CIBAR2: variants seen among roughly 807,000 people sequenced by gnomAD.
The protein encoded by CIBAR2 is CBY1 interacting BAR domain containing 2, also known as CBY1-interacting BAR domain-containing protein 2.
A neutral mutation model predicts 36.2 loss-of-function variants in CIBAR2; 38 were observed. The ratio of observed to expected loss-of-function variants is 1.05; its 90% CI spans 0.81 to 1.38. CIBAR2 has a LOEUF of 1.38. Ranked by LOEUF, CIBAR2 falls within the 40% of genes most tolerant of loss-of-function variation. The probability of loss-of-function intolerance (pLI) is 0.00; values close to 1 mark genes in which losing one functional copy is unlikely to be tolerated. For missense variants in CIBAR2, 481 were observed against 383.4 expected (o/e 1.25, Z -2.13); for synonymous variants, 182 against 149.5 (o/e 1.22, Z -1.58).
intron 8 of CIBAR2, among the ~76,000 whole-genome samples, chr16:85,099,848 G>A (rs1476547513): frequency 7.4e-6 from 1 of 135,436 alleles, no homozygotes; most frequent in Admixed American, 7.8e-5. Context: ...TCAACATTTT[G>A]GCCAGGCTGG....
intron 2 of CIBAR2, 96 bp from the exon 3 acceptor site, chr16:85,108,195 TC>T: frequency 8.4e-7 from 1 of 1,184,708 alleles, no homozygotes. Context: ...GAGCCGCGTG[TC>T]CAGAGCTGTG....
chr16:85,105,066 C>T (rs2073984765), intron 6 of CIBAR2, among the ~76,000 whole-genome samples: 1 of 152,212 alleles, frequency 6.6e-6, no homozygotes, highest in South Asian at 2.1e-4. Flanking sequence ...TGGCTAGGAG[C>T]TGGACCTAGG....
At chr16:85,104,866 C>T (rs1383467892) in intron 6 of CIBAR2, among the ~76,000 whole-genome samples, 2 of 152,204 alleles carry the variant, frequency 1.3e-5, no homozygotes, top group East Asian at 3.8e-4. Flanking sequence ...AGCTGGGGCT[C>T]TGGGCCCGGG....
At chr16:85,105,052 T>C (rs1036797315) in intron 6 of CIBAR2, among the ~76,000 whole-genome samples, 4 of 152,208 alleles carry the variant, frequency 2.6e-5, no homozygotes, top group African/African-American at 9.7e-5. Flanking sequence ...AGACAAACTC[T>C]TCCTGGCTAG....
At chr16:85,106,162 C>G (rs915746080) in intron 5 of CIBAR2, among the ~76,000 whole-genome samples, 3 of 152,062 alleles carry the variant, frequency 2.0e-5, no homozygotes, top group Non-Finnish European at 4.4e-5. Flanking sequence ...AGGTGGGATC[C>G]AGGATAGAAT....
In CIBAR2 at chr16:85,105,359, C is replaced by T. The variant is rs551045028; in HGVS notation, c.505G>A (p.Gly169Ser). The T allele has an allele frequency of 6.2e-7, 1 of 1,613,698 alleles. No individual in the cohort carries two copies. Among genetic ancestry groups the T allele is most frequent in the South Asian group, 1.1e-5 (1 of 91,074 alleles). ...TCCTTGAGCTTCTGCCTCTGGAAGC[C>T]ATCCACAGTCTCCTCCAGCTGGAGG... The part of the protein sequence containing the change: ...TTLQLEETVD[G>S]FQRQKLKDLQ... Residue 169 changes from glycine to serine, a missense_variant, in exon 6 of 9, where the codon GGC becomes AGC. Transcript: ENST00000539556.
rs568208877 is a variant in CIBAR2, at chr16:85,099,235, A to G, written c.865T>C (p.Cys289Arg). 5 of 1,611,196 alleles carry G rather than the reference A, an allele frequency of 3.1e-6. No homozygotes were observed. The Admixed American group carries it at 5.0e-5, about 16-fold the overall frequency. ...AGATGCCCACCCTGCCCACACACAC[A>G]GTGGGCTGGCTGCCCCTTAACCACC... ...EWVVKGQPAH[C>R]VCGQGGHLML... Residue 289 changes from cysteine to arginine, a missense_variant, in exon 9 of 9, where the codon TGT becomes CGT. Physicochemically the swap from Cys to Arg is radical, Grantham distance 180 (BLOSUM62 -3). Coordinates refer to ENST00000539556, the MANE Select transcript of CIBAR2 (RefSeq NM_198491.3).
rs373006193 is a variant in CIBAR2, at chr16:85,100,133, G to T, written c.753+6C>A. 1.1e-5 allele frequency: 18 copies of T among 1,605,802 alleles called. No individual in the cohort carries two copies. In the African/African-American group the frequency reaches 2.3e-4, roughly 20 times the overall value. On this transcript the variant is annotated splice_donor_region_variant and intron_variant, in intron 8 of 8. Transcript: ENST00000539556. ...GGTGTAACCCCTCACCCACCCACAC[G>T]CTCACCTGGCTGGCGAGAGACTGAA...
rs552316888 is a variant in CIBAR2 at position 85,110,457 on chromosome 16, G to A, written c.24C>T (p.Asp8=). The change falls in exon 2 of 9, where the codon GAC becomes GAT. Residue 8 remains aspartate (D), a synonymous_variant. Coordinates refer to ENST00000539556, the MANE Select transcript of CIBAR2 (RefSeq NM_198491.3). MNIVFSR[D]SQVRVMENTV... ...TATTCTCCATCACCCTCACCTGGCT[G>A]TCCCTGTGGAGGCGGGGACCTGAGC... 6 of 1,590,270 alleles carry A rather than the reference G, an allele frequency of 3.8e-6. No individual in the cohort carries two copies. The African/African-American group carries it at 6.7e-5, about 18-fold the overall frequency.
intron 1 of CIBAR2, 44 bp from the exon 2 acceptor site, chr16:85,110,504 A>T (rs1342889310): frequency 2.1e-6 from 3 of 1,445,510 alleles, no homozygotes; most frequent in Non-Finnish European, 2.8e-6. Context: ...GCAGAGATGC[A>T]GGGCCCCGGT....
intron 6 of CIBAR2, among the ~76,000 whole-genome samples, chr16:85,104,101 C>T (rs62049958): frequency 0.091 from 13,888 of 152,276 alleles, 648 homozygotes; most frequent in South Asian, 0.15. Flanking sequence ...ATGGCAGCCC[C>T]GTGGGAGCAG....
intron 5 of CIBAR2, among the ~76,000 whole-genome samples, chr16:85,107,166 C>T (rs183037404): frequency 1.3e-5 from 2 of 151,642 alleles, no homozygotes; most frequent in African/African-American, 4.9e-5. Flanking sequence ...AGGGGGGGGG[C>T]ACTCTTTGGA....
At chr16:85,100,862 A>G (rs912327870) in intron 7 of CIBAR2, among the ~76,000 whole-genome samples, 4 of 152,138 alleles carry the variant, frequency 2.6e-5, no homozygotes, top group Non-Finnish European at 4.4e-5. Flanking sequence ...CCTGGCTAAC[A>G]CGGTGAAACC....
At chr16:85,102,441 G>T in intron 6 of CIBAR2, 114 bp from the exon 7 acceptor site, 1 of 682,888 alleles carries the variant, frequency 1.5e-6, no homozygotes, top group Non-Finnish European at 2.6e-6. Context: ...GTGGGGACAG[G>T]CCCCAGGTGG....
In CIBAR2 at chr16:85,112,216, C is replaced by T. The variant is rs915393829; in HGVS notation, c.20+117G>A. ...GCACCGTGGGAGGGAGAGCTCCCCT[C>T]ACCCCCAACCCCCACCCCAAGCAGC... On this transcript the variant is annotated intron_variant, in intron 1 of 8. Transcript: ENST00000539556. The T allele has an allele frequency of 4.8e-6, 4 of 836,926 alleles. No homozygotes were observed. The African/African-American group carries it at 6.7e-5, about 14-fold the overall frequency. 51.8% of individuals were successfully genotyped at this position (836,926 alleles called of 1,614,324 possible). A position where few individuals can be genotyped will look rare whatever the true frequency, so the allele number is the denominator to read the frequency against.
chr16:85,099,057 G>GAAGAC lies in CIBAR2; in HGVS notation c.*123_*127dup. 8.9e-7 allele frequency: 1 copy of GAAGAC among 1,128,926 alleles called. No individual in the cohort carries two copies. Among genetic ancestry groups the GAAGAC allele is most frequent in the Non-Finnish European group, 1.2e-6 (1 of 849,404 alleles). The allele number at this position is 1,128,926 out of a possible 1,614,324, so 69.9% of individuals were successfully genotyped here. A position where few individuals can be genotyped will look rare whatever the true frequency, so the allele number is the denominator to read the frequency against. Reference sequence around the variant, plus strand: ...AGTAGAAGAAGGAAATTCAGAGCTTGAAGACAAGGTCTTTGAATTAACACA... The same window carrying GAAGAC: ...AGTAGAAGAAGGAAATTCAGAGCTTGAAGACAAGACAAGGTCTTTGAATTAACACA... On this transcript the variant is annotated 3_prime_UTR_variant, in exon 9 of 9. Transcript: ENST00000539556.
chr16:85,112,286 C>T lies in CIBAR2; in HGVS notation c.20+47G>A, dbSNP rs763880709. On this transcript the variant is annotated intron_variant, in intron 1 of 8. Coordinates refer to ENST00000539556, the MANE Select transcript of CIBAR2 (RefSeq NM_198491.3). ...TTTGTTGGTGCCCCGGGCCTCAAAA[C>T]CCGACTTCCACCTCCCTCACAGCCA... The T allele has an allele frequency of 2.1e-5, 32 of 1,539,842 alleles. 1 individual carries two copies. The East Asian group carries it at 2.2e-4, about 11-fold the overall frequency.
chr16:85,101,676 TG>T (rs2073956326), intron 7 of CIBAR2, among the ~76,000 whole-genome samples: 1 of 114,906 alleles, frequency 8.7e-6, no homozygotes, highest in South Asian at 2.5e-4. Flanking sequence ...TTTTTGTTTT[TG>T]TTTTTTTTTT....
chr16:85,101,577 A>T (rs911367848), intron 7 of CIBAR2, among the ~76,000 whole-genome samples: 2 of 152,178 alleles, frequency 1.3e-5, no homozygotes, highest in African/African-American at 4.8e-5. Flanking sequence ...ACCAGATCAG[A>T]AGGGGATAAA....
Sources: allele counts gnomAD v4.1 joint callset (sites outside exome capture counted in the v4.1 genomes callset), GRCh38; gene constraint gnomAD v4.1.1; transcripts MANE v1.5; gene names NCBI Gene and HGNC (gene_info 2026-07-23, HGNC 2026-07-21).